PLCL2: variants seen among roughly 807,000 people sequenced by gnomAD.
The protein encoded by PLCL2 is phospholipase C like 2.
Under a neutral mutation model 79.6 loss-of-function variants are expected in PLCL2, and 4 were observed. The ratio of observed to expected loss-of-function variants is 0.05; its 90% CI spans 0.02 to 0.11. The LOEUF (loss-of-function observed/expected upper bound fraction) is 0.11, where lower values mean the gene tolerates loss of function less well. Among genes scored for constraint, PLCL2 ranks in the 10% least tolerant of loss-of-function variants. The pLI is 1.00. For missense variants in PLCL2, 895 were observed against 1,291.0 expected (o/e 0.69, Z 4.70); for synonymous variants, 484 against 457.7 (o/e 1.06, Z -0.73).
chr3:16,980,283 C>CA (rs1193093466), intron 1 of PLCL2, among the ~76,000 whole-genome samples: 1 of 147,368 alleles, frequency 6.8e-6, no homozygotes, highest in Non-Finnish European at 1.5e-5. Context: ...TGACCCCCCC[C>CA]ACCTCCCTCT....
intron 3 of PLCL2, among the ~76,000 whole-genome samples, chr3:17,029,085 G>A (rs764646771): frequency 6.6e-6 from 1 of 152,114 alleles, no homozygotes; most frequent in Non-Finnish European, 1.5e-5. Flanking sequence ...CTGTATGGAA[G>A]CACTTATGTT....
chr3:16,941,695 G>A (rs538897215), intron 1 of PLCL2, among the ~76,000 whole-genome samples: 1 of 152,188 alleles, frequency 6.6e-6, no homozygotes, highest in South Asian at 2.1e-4. Context: ...CTGGGCTGAG[G>A]GCCCCTCCTC....
chr3:16,982,179 A>G (rs1479127023), intron 1 of PLCL2, among the ~76,000 whole-genome samples: 1 of 152,252 alleles, frequency 6.6e-6, no homozygotes, highest in Non-Finnish European at 1.5e-5. Context: ...ATATCTGTCC[A>G]GTTGAAGTGA....
At chr3:17,012,774 A>G (rs1467701205) in intron 2 of PLCL2, among the ~76,000 whole-genome samples, 1 of 152,236 alleles carries the variant, frequency 6.6e-6, no homozygotes, top group Non-Finnish European at 1.5e-5. Flanking sequence ...TACATATTTA[A>G]TTAAGGATCG....
intron 1 of PLCL2, among the ~76,000 whole-genome samples, chr3:16,898,738 G>A (rs1696545201): frequency 6.6e-6 from 1 of 152,248 alleles, no homozygotes; most frequent in African/African-American, 2.4e-5. Flanking sequence ...CCCAGATACA[G>A]TTTGGCAACT....
At chr3:17,063,252 C>CCCTCCCTCCCTG (rs1394617818) in intron 4 of PLCL2, among the ~76,000 whole-genome samples, 1 of 4,076 alleles carries the variant, frequency 2.5e-4, no homozygotes, top group African/African-American at 1.9e-3. Context: ...CTGCCTTCCT[C>CCCTCCCTCCCTG]CCTTCCTCCC....
chr3:17,058,139 A>C (rs769027509), intron 4 of PLCL2, among the ~76,000 whole-genome samples: 24 of 152,164 alleles, frequency 1.6e-4, no homozygotes, highest in Non-Finnish European at 3.4e-4. Context: ...GGCAGGAGTT[A>C]AGTCAAGAAG....
intron 1 of PLCL2, among the ~76,000 whole-genome samples, chr3:16,992,666 C>A (rs2064116463): frequency 1.3e-5 from 2 of 152,194 alleles, no homozygotes; most frequent in Admixed American, 6.5e-5. Flanking sequence ...AGCAGGTGGC[C>A]ACATTGTCCT....
chr3:17,058,448 A>G (rs1377267774), intron 4 of PLCL2, among the ~76,000 whole-genome samples: 1 of 152,090 alleles, frequency 6.6e-6, no homozygotes, highest in Non-Finnish European at 1.5e-5. Context: ...AGGAGGAGAG[A>G]AAGAGATGGT....
chr3:17,056,470 A>G (rs1222845401), intron 4 of PLCL2, among the ~76,000 whole-genome samples: 1 of 152,162 alleles, frequency 6.6e-6, no homozygotes, highest in African/African-American at 2.4e-5. Flanking sequence ...GTAAAAGGGA[A>G]TATACAAATA....
intron 3 of PLCL2, among the ~76,000 whole-genome samples, chr3:17,035,570 C>G (rs1431154965): frequency 1.3e-5 from 2 of 152,188 alleles, no homozygotes; most frequent in Non-Finnish European, 2.9e-5. Context: ...CACCTGCTTC[C>G]TGTTCCCACT....
At chr3:17,077,869 C>T (rs1008575474) in intron 5 of PLCL2, among the ~76,000 whole-genome samples, 3 of 152,140 alleles carry the variant, frequency 2.0e-5, no homozygotes, top group Non-Finnish European at 4.4e-5. Context: ...TGGCAGCCCC[C>T]GAGGTAGCTG....
chr3:16,992,980 G>C (rs558618107), intron 1 of PLCL2, among the ~76,000 whole-genome samples: 138 of 152,324 alleles, frequency 9.1e-4, no homozygotes, highest in African/African-American at 3.2e-3. Flanking sequence ...GACTGGACAA[G>C]GTGAAGCCTA....
Position 17,080,217 on chromosome 3 carries a change from G to A in PLCL2, c.3205-9516G>A, listed in dbSNP as rs192998932. Among the ~76,000 whole-genome samples, 20 of 152,294 alleles carry A rather than the reference G, an allele frequency of 1.3e-4. No individual in the cohort carries two copies. The East Asian group carries it at 3.7e-3, about 28-fold the overall frequency. ...AGCCTAACGTCCTGTACAAAAGCCT[G>A]TGTCCTGTTGCTGTAGGTTTAGGTG... On this transcript the variant is annotated intron_variant, in intron 5 of 5. Transcript: ENST00000615277.
chr3:16,898,940 G>T lies in PLCL2; in HGVS notation c.327+13574G>T, dbSNP rs912292884. On this transcript the variant is annotated intron_variant, in intron 1 of 5. Transcript: ENST00000615277. ...AGGGGTTGGAGGGTGGAGGGGGAGG[G>T]GGTTGCGGGGACCCACGCCTTGGCA... Among the ~76,000 whole-genome samples, 6 of 152,230 alleles carry T rather than the reference G, an allele frequency of 3.9e-5. 1 individual carries two copies. The highest frequency in any genetic ancestry group is 3.9e-4 in the Admixed American group (6 of 15,288).
Position 17,010,683 on chromosome 3 carries a change from T to C in PLCL2, c.1337T>C (p.Ile446Thr). The change falls in exon 2 of 6, where the codon ATA becomes ACA. Residue 446 changes from isoleucine (I) to threonine (T), a missense_variant. Around this residue, in one of 6 missense-constraint regions of PLCL2, gnomAD observed 242 missense variants for 399.5 expected, o/e 0.61. Transcript: ENST00000615277. The surrounding 1 kb of genome is among the most constrained non-coding windows in gnomAD (Gnocchi z 5.8). ...AACTCATCTCATAATACATACTTAA[T>C]AGAGGATCAGTTCCGAGGTCCCTCC... ...FINSSHNTYL[I>T]EDQFRGPSDI... 6.2e-7 allele frequency: 1 copy of C among 1,614,084 alleles called. No individual in the cohort carries two copies. The highest frequency in any genetic ancestry group is 8.5e-7 in the Non-Finnish European group (1 of 1,179,944).
chr3:17,056,268 C>T (rs1379737679), intron 4 of PLCL2, among the ~76,000 whole-genome samples: 1 of 151,984 alleles, frequency 6.6e-6, no homozygotes, highest in Non-Finnish European at 1.5e-5. Flanking sequence ...AAGTAAAGTC[C>T]ACAGACAAAA....
intron 3 of PLCL2, among the ~76,000 whole-genome samples, chr3:17,039,860 G>A (rs1328234756): frequency 2.0e-5 from 3 of 152,148 alleles, no homozygotes; most frequent in East Asian, 1.9e-4. Context: ...ATCGGGGGAC[G>A]ATATTCACTG....
intron 4 of PLCL2, among the ~76,000 whole-genome samples, chr3:17,060,939 C>G (rs1265353023): frequency 6.6e-6 from 1 of 151,980 alleles, no homozygotes; most frequent in Non-Finnish European, 1.5e-5. Flanking sequence ...AATTTTTATA[C>G]TGGTTGTGTT....
Sources: gnomAD v4.1 joint callset for allele counts (sites outside exome capture counted in the v4.1 genomes callset) on GRCh38, gnomAD v4.1.1 for gene constraint, gnomAD v4.1.1 regional missense constraint, Gnocchi (gnomAD v3.1) non-coding constraint, MANE v1.5 for transcripts, NCBI Gene and HGNC (gene_info 2026-07-23, HGNC 2026-07-21) for gene names.